Variants in MPHOSPH8 observed in about 807,000 individuals in gnomAD.
MPHOSPH8 encodes the protein M-phase phosphoprotein 8.
MPHOSPH8 carries 45 observed loss-of-function variants against 87.3 expected under a neutral mutation model. The observed-to-expected ratio is 0.52, with a 90% CI of 0.41 to 0.66. The LOEUF is 0.66. Ranked by LOEUF, MPHOSPH8 falls within the 30% of genes least tolerant of loss-of-function variation. The pLI is 0.00. For synonymous variants in MPHOSPH8, 366 were observed against 376.9 expected, an observed-to-expected ratio of 0.97 and a Z score of 0.33; for missense variants, 883 against 1,020.2, an observed-to-expected ratio of 0.87 and a Z score of 1.83.
chr13:19,642,008 C>A, intron 1 of MPHOSPH8, 107 bp from the exon 2 acceptor site: 1 of 988,256 alleles, frequency 1.0e-6, no homozygotes, highest in Non-Finnish European at 1.4e-6. Context: ...CACTTAGAAG[C>A]AATTTTCAAG....
chr13:19,666,249 A>G (rs1875807042), intron 9 of MPHOSPH8, among the ~76,000 whole-genome samples, 176 bp from the exon 10 acceptor site: 1 of 152,200 alleles, frequency 6.6e-6, no homozygotes, highest in African/African-American at 2.4e-5. Flanking sequence ...ACTTGCATTT[A>G]AGCAATGCTG....
Position 19,646,678 on chromosome 13 carries a change from G to T in MPHOSPH8, c.605G>T (p.Arg202Ile), listed in dbSNP as rs747870349. ...GTTTTTGATTTAAGGACAAAGAAAAGAATTTCTGAAGCCAAAGAAGAACTA... is the reference window on the plus strand; with the variant it reads ...GTTTTTGATTTAAGGACAAAGAAAATAATTTCTGAAGCCAAAGAAGAACTA... ...SLVFDLRTKK[R>I]ISEAKEELKE... The change falls in exon 3 of 14, where the codon AGA (arginine) becomes ATA (isoleucine). Residue 202 changes from arginine (R) to isoleucine (I), a missense_variant. Transcript: ENST00000361479. 6.3e-7 allele frequency: 1 copy of T among 1,594,798 alleles called. No individual in the cohort carries two copies. The highest frequency in any genetic ancestry group is 1.4e-5 in the African/African-American group (1 of 73,222).
chr13:19,663,187 T>TCTGCCACTGCCAGGCAC, intron 9 of MPHOSPH8, 61 bp downstream of exon 9: 1 of 1,375,510 alleles, frequency 7.3e-7, no homozygotes, highest in Admixed American at 1.7e-5. Context: ...CGTGTTGGCA[T>TCTGCCACTGCCAGGCAC]CTGCCACTGC....
chr13:19,647,394 A>G, intron 3 of MPHOSPH8, 103 bp downstream of exon 3: 1 of 946,212 alleles, frequency 1.1e-6, no homozygotes, highest in Admixed American at 3.4e-5. Flanking sequence ...GTTTATGACC[A>G]TGGGCGGTCA....
chr13:19,650,029 G>A lies in MPHOSPH8; in HGVS notation c.1345G>A (p.Asp449Asn). 1.9e-6 allele frequency: 3 copies of A among 1,598,258 alleles called. No homozygotes were observed. Among genetic ancestry groups the A allele is most frequent in the Middle Eastern group, 3.4e-4 (2 of 5,960 alleles). Residue 449 changes from aspartate (D) to asparagine (N), a missense_variant, in exon 5 of 14, where the codon GAT (aspartate) becomes AAT (asparagine). By Grantham distance (23) the Asp-to-Asn change is conservative (BLOSUM62 1). This residue lies in a region of MPHOSPH8 where 741 missense variants were observed against 841.5 expected (regional missense o/e 0.88). Coordinates refer to ENST00000361479, the MANE Select transcript of MPHOSPH8 (RefSeq NM_017520.4). ...ACTTAAGGAAATCAGAAATGCATTT[G>A]ATTTATTTAAATTAACTCCAGAAGA... ...KTLKEIRNAF[D>N]LFKLTPEEKN...
Position 19,652,943 on chromosome 13 carries a change from G to C in MPHOSPH8, c.1576+2683G>C, listed in dbSNP as rs1305164733. Among the ~76,000 whole-genome samples, 3 of 152,174 alleles carry C rather than the reference G, an allele frequency of 2.0e-5. No individual in the cohort carries two copies. The East Asian group carries it at 5.8e-4, about 29-fold the overall frequency. ...CGGCAGCCACAGTCAGGGTCTTGTA[G>C]ATAAAACCCCCATCTCCCTGGGACA... On this transcript the variant is annotated intron_variant, in intron 5 of 13. Coordinates refer to ENST00000361479, the MANE Select transcript of MPHOSPH8 (RefSeq NM_017520.4).
At chr13:19,657,894 C>G (rs182960840) in intron 5 of MPHOSPH8, among the ~76,000 whole-genome samples, 1 of 152,238 alleles carries the variant, frequency 6.6e-6, no homozygotes, top group Non-Finnish European at 1.5e-5. Flanking sequence ...AGAAGACTGG[C>G]TCTGCCACTC....
chr13:19,640,820 A>G (rs1874247667), intron 1 of MPHOSPH8, among the ~76,000 whole-genome samples: 1 of 152,134 alleles, frequency 6.6e-6, no homozygotes, highest in Admixed American at 6.5e-5. Context: ...TTTTTGTACT[A>G]TTTTTTGTTG....
At chr13:19,649,732 T>G (rs1020739313) in intron 4 of MPHOSPH8, among the ~76,000 whole-genome samples, 5 of 152,196 alleles carry the variant, frequency 3.3e-5, no homozygotes, top group African/African-American at 9.7e-5. Flanking sequence ...TCAGTAGGCC[T>G]TTGTCACAAC....
At chr13:19,660,257 C>T (rs1035953015) in intron 7 of MPHOSPH8, among the ~76,000 whole-genome samples, 4 of 151,816 alleles carry the variant, frequency 2.6e-5, no homozygotes, top group African/African-American at 4.8e-5. Flanking sequence ...CGTGAGCCAC[C>T]GCGCCTGGCC....
At chr13:19,662,076 A>G (rs543837468) in intron 8 of MPHOSPH8, among the ~76,000 whole-genome samples, 19 of 151,870 alleles carry the variant, frequency 1.3e-4, no homozygotes, top group African/African-American at 4.6e-4. Context: ...CTGGGACTAC[A>G]GGCAGGTACC....
chr13:19,655,457 G>A (rs1875105230), intron 5 of MPHOSPH8, among the ~76,000 whole-genome samples: 2 of 151,878 alleles, frequency 1.3e-5, no homozygotes, highest in African/African-American at 4.8e-5. Context: ...AACAGAGTGA[G>A]ACTCTGTCTC....
In MPHOSPH8 at chr13:19,670,398, A is replaced by G. The variant is rs764350964; in HGVS notation, c.2457+35A>G. On this transcript the variant is annotated intron_variant, in intron 12 of 13. Transcript: ENST00000361479. ...TCTGTATTTCACTACTGAAAAGTAC[A>G]TTCTTCTAATCAAAAGCACAGATGA... is the stretch of plus-strand genomic sequence containing the variant. 1.8e-5 allele frequency: 28 copies of G among 1,598,862 alleles called. No individual in the cohort carries two copies. In the East Asian group the frequency reaches 5.6e-4, roughly 32 times the overall value.
rs1875580562 is a variant in MPHOSPH8 at position 19,662,233 on chromosome 13, C to G, written c.1932+395C>G. On this transcript the variant is annotated intron_variant, in intron 8 of 13. Coordinates refer to ENST00000361479, the MANE Select transcript of MPHOSPH8 (RefSeq NM_017520.4). ...GTATTACAGGCGTGAGCCACCGCGC[C>G]TGGCTGTCACACGGTCCCATAGCTT... 2.6e-5 allele frequency among the ~76,000 whole-genome samples: 4 copies of G among 152,286 alleles called. 1 individual carries two copies. The South Asian group carries it at 8.3e-4, about 32-fold the overall frequency.
chr13:19,669,787 G>A (rs1253389015), intron 11 of MPHOSPH8, among the ~76,000 whole-genome samples: 1 of 152,106 alleles, frequency 6.6e-6, no homozygotes, highest in Non-Finnish European at 1.5e-5. Flanking sequence ...TGGGATTACA[G>A]ACATGAGCCA....
Position 19,668,532 on chromosome 13 carries a change from G to T in MPHOSPH8, c.2329+1G>T, listed in dbSNP as rs1430547147. The T allele has an allele frequency of 6.2e-7, 1 of 1,611,838 alleles. No homozygotes were observed. Among genetic ancestry groups the T allele is most frequent in the Non-Finnish European group, 8.5e-7 (1 of 1,179,184 alleles). The stretch of plus-strand genomic sequence containing the variant: ...AAACCCCCACAGAACATACCAGAAG[G>T]TAAGCCGATGCCTCCCTTCACACTT... On this transcript the variant is annotated splice_donor_variant, in intron 11 of 13. Transcript: ENST00000361479. LOFTEE classifies it high-confidence loss of function.
At chr13:19,635,659 A>G (rs1873970860) in intron 1 of MPHOSPH8, among the ~76,000 whole-genome samples, 1 of 152,216 alleles carries the variant, frequency 6.6e-6, no homozygotes. Flanking sequence ...CACCAGTCTA[A>G]AGAGGGTGAA....
At chr13:19,654,999 C>T (rs1175158643) in intron 5 of MPHOSPH8, among the ~76,000 whole-genome samples, 3 of 151,840 alleles carry the variant, frequency 2.0e-5, no homozygotes, top group African/African-American at 7.3e-5. Flanking sequence ...AAGTCACACG[C>T]AAAATCCCCC....
intron 10 of MPHOSPH8, among the ~76,000 whole-genome samples, chr13:19,667,289 A>C (rs1593491469): frequency 6.6e-6 from 1 of 152,130 alleles, no homozygotes; most frequent in Admixed American, 6.5e-5. Flanking sequence ...AAGCCTCCCC[A>C]CCGCCATCCT....
Sources: gnomAD v4.1 joint callset for allele counts (sites outside exome capture counted in the v4.1 genomes callset) on GRCh38, gnomAD v4.1.1 for gene constraint, gnomAD v4.1.1 regional missense constraint, MANE v1.5 for transcripts, NCBI Gene and HGNC (gene_info 2026-07-23, HGNC 2026-07-21) for gene names.